The following KIF15 variants were observed in gnomAD, a reference collection of about 807,000 sequenced individuals.
KIF15 encodes the protein kinesin family member 15.
In KIF15, 140 loss-of-function variants were observed where a neutral mutation model predicts 190.6. That is an observed-to-expected ratio of 0.73 (90% CI 0.64 to 0.84). The LOEUF (loss-of-function observed/expected upper bound fraction) is 0.84. Among genes scored for constraint, KIF15 ranks in the 40% least tolerant of loss-of-function variants. The probability of loss-of-function intolerance (pLI) is 0.00; values close to 1 mark genes in which losing one functional copy is unlikely to be tolerated. For missense variants in KIF15, 1,372 were observed against 1,584.4 expected (o/e 0.87, Z 2.28); for synonymous variants, 528 against 551.3 (o/e 0.96, Z 0.59).
intron 26 of KIF15, among the ~76,000 whole-genome samples, chr3:44,834,287 G>A (rs1042352720): frequency 3.9e-5 from 6 of 152,104 alleles, no homozygotes; most frequent in African/African-American, 1.2e-4. Flanking sequence ...TGAGTACTTA[G>A]CCAATGCAGT....
At chr3:44,817,277 G>A (rs1708072026) in intron 20 of KIF15, among the ~76,000 whole-genome samples, 1 of 152,108 alleles carries the variant, frequency 6.6e-6, no homozygotes, top group African/African-American at 2.4e-5. Context: ...GTCTTTTGTT[G>A]CCATTGCTTT....
chr3:44,811,625 A>G (rs775526445), intron 17 of KIF15, among the ~76,000 whole-genome samples: 2 of 152,246 alleles, frequency 1.3e-5, no homozygotes, highest in Non-Finnish European at 2.9e-5. Context: ...AGCCTGGGCA[A>G]CAAGAGTGAA....
chr3:44,855,877 G>A (rs1699183068), downstream of KIF15, among the ~76,000 whole-genome samples: 1 of 152,138 alleles, frequency 6.6e-6, no homozygotes, highest in South Asian at 2.1e-4. Context: ...GTAATTGATT[G>A]GTTGGTTGGT....
At chr3:44,858,393 C>A (rs993147331) in intron 6 of KIF15, among the ~76,000 whole-genome samples, 1 of 152,076 alleles carries the variant, frequency 6.6e-6, no homozygotes, top group Admixed American at 6.5e-5. Flanking sequence ...AGGCTTTAAT[C>A]CCCTTAAAGC....
intron 26 of KIF15, 136 bp from the exon 27 acceptor site, chr3:44,838,139 G>A: frequency 1.3e-6 from 1 of 779,052 alleles, no homozygotes. Flanking sequence ...GTCTTAGAAT[G>A]GATTAGCACA....
intron 14 of KIF15, 82 bp from the exon 15 acceptor site, chr3:44,804,945 C>T: frequency 1.4e-6 from 2 of 1,415,110 alleles, no homozygotes; most frequent in Non-Finnish European, 1.9e-6. Flanking sequence ...TGAATAGCCA[C>T]TGCACTCTAG....
intron 6 of KIF15, among the ~76,000 whole-genome samples, chr3:44,867,530 T>C (rs1416662487): frequency 6.6e-6 from 1 of 152,236 alleles, no homozygotes; most frequent in African/African-American, 2.4e-5. Flanking sequence ...GAAGTCCATC[T>C]TGGAGCAAGC....
Position 44,813,200 on chromosome 3 carries a change from G to C in KIF15, c.2383+20G>C. On this transcript the variant is annotated intron_variant, in intron 19 of 34. Transcript: ENST00000326047. ...ATGACTGTAAGTTATTCTATCAGGA[G>C]CTTTGTGACTTGAAGGAATACTGTA... 1 of 1,381,760 alleles carries C rather than the reference G, an allele frequency of 7.2e-7. No individual in the cohort carries two copies. 85.6% of individuals were successfully genotyped at this position (1,381,760 alleles called of 1,614,324 possible).
intron 1 of KIF15, among the ~76,000 whole-genome samples, chr3:44,772,583 G>A (rs1490040731): frequency 2.0e-5 from 3 of 152,152 alleles, no homozygotes; most frequent in Admixed American, 6.5e-5. Flanking sequence ...TAAGCTGAAC[G>A]CTTTTTAAGA....
chr3:44,794,097 T>G, intron 7 of KIF15, 120 bp from the exon 8 acceptor site: 1 of 751,994 alleles, frequency 1.3e-6, no homozygotes, highest in East Asian at 2.6e-5. Flanking sequence ...GTCAGGCTGG[T>G]CTTGAATTCC....
At chr3:44,867,318 C>T (rs567722151) in intron 6 of KIF15, among the ~76,000 whole-genome samples, 2 of 152,222 alleles carry the variant, frequency 1.3e-5, no homozygotes, top group South Asian at 4.1e-4. Context: ...TCACCAGCCA[C>T]CTACCTTTTC....
intron 6 of KIF15, chr3:44,865,345 T>A: frequency 1.2e-6 from 1 of 842,674 alleles, no homozygotes; most frequent in East Asian, 2.7e-5. Context: ...TAAGGAGAGG[T>A]GCAGCTGCAG....
chr3:44,858,133 G>A (rs1384308575), downstream of KIF15, among the ~76,000 whole-genome samples: 4 of 152,220 alleles, frequency 2.6e-5, no homozygotes, highest in Non-Finnish European at 5.9e-5. Context: ...GACGAGGGGT[G>A]TAGGGGAATA....
chr3:44,831,047 G>A (rs1372822929), intron 26 of KIF15, 29 bp downstream of exon 26: 4 of 1,604,716 alleles, frequency 2.5e-6, no homozygotes, highest in Non-Finnish European at 3.4e-6. Context: ...CAGCTTCTTT[G>A]TTTGCCTTAT....
intron 26 of KIF15, among the ~76,000 whole-genome samples, chr3:44,835,238 G>T (rs990681404): frequency 6.6e-6 from 1 of 151,936 alleles, no homozygotes; most frequent in Non-Finnish European, 1.5e-5. Context: ...AAATCCCAAT[G>T]TATTTATTTT....
At chr3:44,787,723 T>C (rs1575593504) in intron 7 of KIF15, among the ~76,000 whole-genome samples, 7 of 152,352 alleles carry the variant, frequency 4.6e-5, no homozygotes, top group Admixed American at 6.5e-5. Flanking sequence ...TTTAGATCTT[T>C]AATGTCTTGC....
At chr3:44,821,265 C>G (rs1045327038) in intron 20 of KIF15, among the ~76,000 whole-genome samples, 22 of 150,870 alleles carry the variant, frequency 1.5e-4, no homozygotes, top group Non-Finnish European at 2.8e-4. Context: ...GCTGACCCCC[C>G]CACCTCCCTC....
chr3:44,866,672 C>T (rs1206577961), intron 6 of KIF15, among the ~76,000 whole-genome samples: 1 of 152,244 alleles, frequency 6.6e-6, no homozygotes, highest in Non-Finnish European at 1.5e-5. Flanking sequence ...TCCTCCCTTA[C>T]TGTGGTCAGC....
chr3:44,860,439 C>T (rs139444709), intron 6 of KIF15, among the ~76,000 whole-genome samples: 63 of 152,214 alleles, frequency 4.1e-4, no homozygotes, highest in African/African-American at 1.4e-3. Flanking sequence ...GGTGCAATTT[C>T]GGCTCACTGC....
Sources: gnomAD v4.1 joint callset for allele counts (sites outside exome capture counted in the v4.1 genomes callset) on GRCh38, gnomAD v4.1.1 for gene constraint, MANE v1.5 for transcripts, NCBI Gene and HGNC (gene_info 2026-07-23, HGNC 2026-07-21) for gene names.